Variants in VAT1L observed in about 807,000 individuals in gnomAD.
VAT1L encodes the protein vesicle amine transport 1 like.
VAT1L carries 34 observed loss-of-function variants against 44.1 expected under a neutral mutation model. The ratio of observed to expected loss-of-function variants is 0.77; its 90% confidence interval spans 0.59 to 1.03. The LOEUF is 1.03. Ranked by LOEUF, VAT1L falls within the 50% of genes least tolerant of loss-of-function variation. The pLI is 0.00. For missense variants in VAT1L, 615 were observed against 538.8 expected (o/e 1.14, Z -1.40); for synonymous variants, 253 against 202.2 (o/e 1.25, Z -2.13).
At chr16:77,864,521 G>A (rs895923781) in intron 4 of VAT1L, among the ~76,000 whole-genome samples, 11 of 152,196 alleles carry the variant, frequency 7.2e-5, no homozygotes, top group East Asian at 3.8e-4. Flanking sequence ...TGGGTGGATC[G>A]CTTGATCCCG....
intron 1 of VAT1L, among the ~76,000 whole-genome samples, chr16:77,798,248 T>G (rs2015973783): frequency 1.3e-5 from 2 of 152,210 alleles, no homozygotes; most frequent in African/African-American, 4.8e-5. Context: ...ATTCCTTTCT[T>G]AACCTGGCAC....
chr16:77,878,980 C>G (rs1437922338), intron 5 of VAT1L, among the ~76,000 whole-genome samples, 189 bp from the exon 6 acceptor site: 2 of 152,184 alleles, frequency 1.3e-5, no homozygotes, highest in African/African-American at 4.8e-5. Context: ...TCTCTTTGAT[C>G]AGGGACAGTC....
intron 7 of VAT1L, among the ~76,000 whole-genome samples, chr16:77,951,191 G>T (rs2018038222): frequency 6.6e-6 from 1 of 152,196 alleles, no homozygotes; most frequent in South Asian, 2.1e-4. Flanking sequence ...TCAACAATGG[G>T]AGCTCTTCAG....
intron 6 of VAT1L, chr16:77,882,308 C>T (rs2142459420): frequency 6.6e-6 from 1 of 152,282 alleles, no homozygotes; most frequent in South Asian, 2.1e-4. Context: ...GTTTGTGCCT[C>T]ACTATTTGTC....
At chr16:77,794,436 T>A (rs189455856) in intron 1 of VAT1L, among the ~76,000 whole-genome samples, 2 of 152,136 alleles carry the variant, frequency 1.3e-5, no homozygotes, top group Non-Finnish European at 2.9e-5. Context: ...TTAAACACAA[T>A]CACAATCACC....
chr16:77,978,007 T>G lies in VAT1L; in HGVS notation c.*312T>G. 1 of 266,064 alleles carries G rather than the reference T, an allele frequency of 3.8e-6. No individual in the cohort carries two copies. Among genetic ancestry groups the G allele is most frequent in the East Asian group, 8.9e-5 (1 of 11,194 alleles). 16.5% of individuals were successfully genotyped at this position (266,064 alleles called of 1,614,324 possible). A position where few individuals can be genotyped will look rare whatever the true frequency, so the allele number is the denominator to read the frequency against. On this transcript the variant is annotated 3_prime_UTR_variant, in exon 9 of 9. Coordinates refer to ENST00000302536, the MANE Select transcript of VAT1L (RefSeq NM_020927.3). ...AAATTAATACAAGTCCCAGGCCCAA[T>G]GCCTAAGAGACCAGACGTGGGCAAA...
intron 7 of VAT1L, among the ~76,000 whole-genome samples, chr16:77,898,041 G>C (rs576064647): frequency 3.3e-5 from 5 of 152,186 alleles, no homozygotes. Flanking sequence ...GGGTCATGAA[G>C]GAATCTGTCT....
At chr16:77,824,898 G>C (rs1294835614) in intron 2 of VAT1L, among the ~76,000 whole-genome samples, 1 of 96,108 alleles carries the variant, frequency 1.0e-5, no homozygotes, top group Non-Finnish European at 1.9e-5. Flanking sequence ...GCAGAGTCTT[G>C]CTTTGTTGCC....
chr16:77,875,375 G>T (rs887789412), intron 4 of VAT1L, among the ~76,000 whole-genome samples: 1 of 152,144 alleles, frequency 6.6e-6, no homozygotes, highest in East Asian at 1.9e-4. Context: ...GGTGAACTTG[G>T]GGGTAGAAAA....
intron 7 of VAT1L, among the ~76,000 whole-genome samples, chr16:77,959,430 G>A (rs2018138491): frequency 2.0e-5 from 3 of 152,160 alleles, no homozygotes; most frequent in African/African-American, 7.2e-5. Flanking sequence ...CCCTCCCAAA[G>A]ATGGATATTG....
At chr16:77,869,227 C>G (rs781267194) in intron 4 of VAT1L, among the ~76,000 whole-genome samples, 1 of 152,080 alleles carries the variant, frequency 6.6e-6, no homozygotes, top group Non-Finnish European at 1.5e-5. Context: ...AAGATGAGAC[C>G]AAGACGTCTT....
intron 3 of VAT1L, among the ~76,000 whole-genome samples, chr16:77,835,953 G>T (rs1242293267): frequency 6.6e-6 from 1 of 152,036 alleles, no homozygotes; most frequent in Non-Finnish European, 1.5e-5. Flanking sequence ...GAAGAGAACA[G>T]AGTATGAGCT....
chr16:77,855,464 C>T (rs1354499015), intron 3 of VAT1L, among the ~76,000 whole-genome samples: 1 of 152,134 alleles, frequency 6.6e-6, no homozygotes, highest in Non-Finnish European at 1.5e-5. Context: ...TCTCCCCCGA[C>T]ATGCCCACAC....
chr16:77,878,938 T>G (rs775078398), intron 5 of VAT1L, among the ~76,000 whole-genome samples: 1 of 152,222 alleles, frequency 6.6e-6, no homozygotes, highest in African/African-American at 2.4e-5. Context: ...TTTTGCAAAG[T>G]AATAAGACGG....
chr16:77,848,465 A>C (rs1021336157), intron 3 of VAT1L, among the ~76,000 whole-genome samples: 1 of 152,168 alleles, frequency 6.6e-6, no homozygotes, highest in Non-Finnish European at 1.5e-5. Flanking sequence ...TGCCTGGTCC[A>C]TGATCTTGCT....
chr16:77,977,813 G>T lies in VAT1L; in HGVS notation c.*118G>T. On this transcript the variant is annotated 3_prime_UTR_variant, in exon 9 of 9. Coordinates refer to ENST00000302536, the MANE Select transcript of VAT1L (RefSeq NM_020927.3). ...AGTCCAGTGCGTGTCGTGTTTGTCT[G>T]CAGTCAGCTGAGCTAAAAAGCTGTT... 2.0e-6 allele frequency: 2 copies of T among 988,166 alleles called. No homozygotes were observed. The highest frequency in any genetic ancestry group is 3.0e-6 in the Non-Finnish European group (2 of 660,008). 61.2% of individuals were successfully genotyped at this position (988,166 alleles called of 1,614,324 possible).
intron 8 of VAT1L, among the ~76,000 whole-genome samples, chr16:77,973,376 C>G (rs1667444937): frequency 6.6e-6 from 1 of 152,066 alleles, no homozygotes; most frequent in African/African-American, 2.4e-5. Flanking sequence ...CCTCCGCCTC[C>G]CGGGTTCAAG....
intron 3 of VAT1L, among the ~76,000 whole-genome samples, chr16:77,840,238 A>T (rs2016690549): frequency 6.6e-6 from 1 of 152,228 alleles, no homozygotes; most frequent in Non-Finnish European, 1.5e-5. Flanking sequence ...TGCTCATAAA[A>T]GCAAATGGGC....
intron 5 of VAT1L, among the ~76,000 whole-genome samples, chr16:77,878,927 A>G (rs1170740407): frequency 1.3e-5 from 2 of 152,166 alleles, no homozygotes; most frequent in Non-Finnish European, 2.9e-5. Flanking sequence ...TATATGCCAA[A>G]TTTTGCAAAG....
Sources: allele counts gnomAD v4.1 joint callset (sites outside exome capture counted in the v4.1 genomes callset), GRCh38; gene constraint gnomAD v4.1.1; transcripts MANE v1.5; gene names NCBI Gene and HGNC (gene_info 2026-07-23, HGNC 2026-07-21).